The following VCAN variants were observed in gnomAD, a reference collection of about 807,000 sequenced individuals.
The protein encoded by VCAN is versican core protein.
Under a neutral mutation model 245.5 loss-of-function variants are expected in VCAN, and 44 were observed. That is an observed-to-expected ratio of 0.18 (90% CI 0.14 to 0.23). The LOEUF is 0.23. Ranked by LOEUF, VCAN falls within the 10% of genes least tolerant of loss-of-function variation. The pLI, the probability that VCAN is intolerant of heterozygous loss-of-function variation, is 1.00. For synonymous variants in VCAN, 1,413 were observed against 1,437.0 expected, an observed-to-expected ratio of 0.98 and a Z score of 0.38; for missense variants, 3,793 against 4,057.9, an observed-to-expected ratio of 0.93 and a Z score of 1.77.
chr5:83,564,719 T>C (rs1748009276), intron 12 of VCAN, among the ~76,000 whole-genome samples: 1 of 151,766 alleles, frequency 6.6e-6, no homozygotes, highest in South Asian at 2.1e-4. Context: ...TTAGCAATGT[T>C]TGGAGGAAAA....
Position 83,471,801 on chromosome 5 carries a change from G to A in VCAN, c.-229G>A. ...CTTTCTGGGGAAGAACTCCAGGCGT[G>A]CGGACGCAACAGCCGAGAACATTAG... On this transcript the variant is annotated 5_prime_UTR_variant, in exon 1 of 15. Transcript: ENST00000265077. 2.5e-6 allele frequency: 1 copy of A among 398,796 alleles called. No individual in the cohort carries two copies. Among genetic ancestry groups the A allele is most frequent in the Non-Finnish European group, 4.4e-6 (1 of 226,218 alleles). The allele number at this position is 398,796 out of a possible 1,614,324, so 24.7% of individuals were successfully genotyped here.
intron 7 of VCAN, chr5:83,534,045 A>G (rs959355848): frequency 9.9e-5 from 15 of 152,088 alleles, no homozygotes; most frequent in Admixed American, 3.9e-4. Flanking sequence ...TTCAGTGAGC[A>G]TTATGACCAT....
intron 5 of VCAN, among the ~76,000 whole-genome samples, chr5:83,494,678 C>T (rs1745102403): frequency 6.6e-6 from 1 of 152,136 alleles, no homozygotes; most frequent in Non-Finnish European, 1.5e-5. Context: ...GGGAGGTGGG[C>T]ACAGTGGCTC....
intron 2 of VCAN, among the ~76,000 whole-genome samples, chr5:83,485,121 A>G (rs895084808): frequency 8.5e-5 from 13 of 152,172 alleles, no homozygotes; most frequent in South Asian, 4.1e-4. Flanking sequence ...CCTGTATTCT[A>G]TTGAGGAAAC....
In VCAN at chr5:83,539,323, G is replaced by A. The variant is rs1442972594; in HGVS notation, c.6320G>A (p.Arg2107Lys). 3 of 1,614,036 alleles carry A rather than the reference G, an allele frequency of 1.9e-6. No individual in the cohort carries two copies. Among genetic ancestry groups the A allele is most frequent in the South Asian group, 2.2e-5 (2 of 91,088 alleles). The change falls in exon 8 of 15, where the codon AGA (arginine) becomes AAA (lysine). Residue 2107 changes from arginine to lysine, a missense_variant. By Grantham distance (26) the Arg-to-Lys change is conservative (BLOSUM62 2). Transcript: ENST00000265077. Reference sequence around the variant, plus strand: ...TCTAGGCAAGAAGTCAACCCTGTAAGACAAGAAATTGAAAGTGAAACAACA... The same window carrying A: ...TCTAGGCAAGAAGTCAACCCTGTAAAACAAGAAATTGAAAGTGAAACAACA... ...LWSRQEVNPV[R>K]QEIESETTSE...
rs1490526326 is a variant in VCAN at position 83,490,374 on chromosome 5, C to T, written c.347C>T (p.Thr116Ile). ...GAGGCTGTGGGCGATGCCTCCCTCA[C>T]TGTGGTCAAGCTGCTGGCAAGTGAT... ...HPEAVGDASLTVVKLLASDAG... is the reference protein window; with the variant it reads ...HPEAVGDASLIVVKLLASDAG... The change falls in exon 3 of 15, where the codon ACT becomes ATT. Residue 116 changes from threonine (T) to isoleucine (I), a missense_variant. Transcript: ENST00000265077. 2.5e-6 allele frequency: 4 copies of T among 1,614,090 alleles called. No homozygotes were observed. The highest frequency in any genetic ancestry group is 1.3e-5 in the African/African-American group (1 of 74,922).
chr5:83,522,263 C>A lies in VCAN; in HGVS notation c.3957C>A (p.His1319Gln), dbSNP rs143393049. The A allele has an allele frequency of 5.8e-5, 92 of 1,599,668 alleles. No individual in the cohort carries two copies. The African/African-American group carries it at 1.1e-3, about 19-fold the overall frequency. The change falls in exon 7 of 15, where the codon CAC becomes CAA. Residue 1319 changes from histidine to glutamine, a missense_variant. His to Gln is a conservative substitution (Grantham distance 24, BLOSUM62 0). Around this residue, in one of 5 missense-constraint regions of VCAN, gnomAD observed 3,182 missense variants for 3,250.3 expected, o/e 0.98. Transcript: ENST00000265077. ...TPQPPASTKF[H>Q]PDINVYIIEV... ...AGCCCCCAGCAAGCACAAAATTTCACCCTGACATTAATGTTTATATTATTG... is the reference window on the plus strand; with the variant it reads ...AGCCCCCAGCAAGCACAAAATTTCAACCTGACATTAATGTTTATATTATTG...
intron 13 of VCAN, among the ~76,000 whole-genome samples, chr5:83,579,512 C>G (rs1031795594): frequency 9.2e-5 from 14 of 152,116 alleles, no homozygotes; most frequent in African/African-American, 3.1e-4. Flanking sequence ...ATCCACCCCG[C>G]TTGGCCTCCC....
At chr5:83,553,166 T>C (rs1561266300) in intron 10 of VCAN, among the ~76,000 whole-genome samples, 198 bp from the exon 11 acceptor site, 1 of 152,328 alleles carries the variant, frequency 6.6e-6, no homozygotes, top group East Asian at 1.9e-4. Flanking sequence ...TCCAAAGATA[T>C]ATAGCCATCC....
rs966278750 is a variant in VCAN at position 83,581,249 on chromosome 5, CCGAT to C, written c.*817_*820del. 6.8e-6 allele frequency: 1 copy of C among 148,050 alleles called. No homozygotes were observed. The highest frequency in any genetic ancestry group is 2.6e-5 in the African/African-American group (1 of 39,128). The allele number at this position is 148,050 out of a possible 1,614,324, so 9.2% of individuals were successfully genotyped here. A position where few individuals can be genotyped will look rare whatever the true frequency, so the allele number is the denominator to read the frequency against. On this transcript the variant is annotated 3_prime_UTR_variant, in exon 15 of 15. Coordinates refer to ENST00000265077, the MANE Select transcript of VCAN (RefSeq NM_004385.5). Reference sequence around the variant, plus strand: ...TTCATAACACTAACTCATAAGGTTACCGATCAATGCATTTCATACGGATATAGAC... The same window carrying C: ...TTCATAACACTAACTCATAAGGTTACCAATGCATTTCATACGGATATAGAC...
intron 12 of VCAN, among the ~76,000 whole-genome samples, chr5:83,555,325 G>C (rs560843320): frequency 6.6e-6 from 1 of 152,254 alleles, no homozygotes; most frequent in African/African-American, 2.4e-5. Flanking sequence ...CTTTCAGATG[G>C]TTATCTTTGC....
rs533532611 is a variant in VCAN at position 83,494,041 on chromosome 5, G to C, written c.748+110G>C. ...CGTGCTTGTTTGGATTCCAAACGGT[G>C]GCATTTTGTTTATACGACTGTATGA... is the stretch of plus-strand genomic sequence containing the variant. On this transcript the variant is annotated intron_variant, in intron 5 of 14. Coordinates refer to ENST00000265077, the MANE Select transcript of VCAN (RefSeq NM_004385.5). 137 of 1,565,184 alleles carry C rather than the reference G, an allele frequency of 8.8e-5. No individual in the cohort carries two copies. In the African/African-American group the frequency reaches 1.8e-3, roughly 20 times the overall value.
intron 5 of VCAN, among the ~76,000 whole-genome samples, chr5:83,509,063 AAAAGAAAG>A (rs35600716): frequency 4.1e-5 from 6 of 147,896 alleles, no homozygotes; most frequent in African/African-American, 1.0e-4. Flanking sequence ...AGAAAGAAAG[AAAAGAAAG>A]AAAGAAAGAA....
intron 13 of VCAN, among the ~76,000 whole-genome samples, chr5:83,575,912 C>T (rs1482195036): frequency 3.9e-5 from 6 of 152,090 alleles, no homozygotes; most frequent in Admixed American, 1.3e-4. Flanking sequence ...CTCCCCTACT[C>T]GCTGATTTTT....
chr5:83,491,909 T>G (rs999983051), intron 3 of VCAN, among the ~76,000 whole-genome samples: 1 of 152,254 alleles, frequency 6.6e-6, no homozygotes, highest in African/African-American at 2.4e-5. Context: ...TCTATTCAAA[T>G]TCTTGCTTAA....
intron 1 of VCAN, among the ~76,000 whole-genome samples, chr5:83,473,088 C>A (rs1474517009): frequency 6.6e-6 from 1 of 152,126 alleles, no homozygotes; most frequent in Non-Finnish European, 1.5e-5. Context: ...GCAGGTCTAG[C>A]GGCAGCGGCG....
At chr5:83,511,534 A>T (rs1402776910) in intron 5 of VCAN, among the ~76,000 whole-genome samples, 1 of 150,994 alleles carries the variant, frequency 6.6e-6, no homozygotes, top group Non-Finnish European at 1.5e-5. Context: ...ACCACTTCTG[A>T]GCCCTTCCCA....
In VCAN at chr5:83,490,118, C is replaced by T; in HGVS notation, c.91C>T (p.Pro31Ser). 1 of 1,614,056 alleles carries T rather than the reference C, an allele frequency of 6.2e-7. No homozygotes were observed. The highest frequency in any genetic ancestry group is 8.5e-7 in the Non-Finnish European group (1 of 1,180,032). Residue 31 changes from proline to serine, a missense_variant, in exon 3 of 15, where the codon CCG becomes TCG. Transcript: ENST00000265077. ...LHKVKVGKSP[P>S]VRGSLSGKVS... is the part of the protein sequence containing the mutation. The stretch of plus-strand genomic sequence containing the variant: ...TCTAGTCAAAGTGGGAAAAAGCCCA[C>T]CGGTGAGGGGCTCCCTCTCTGGAAA...
Position 83,471,855 on chromosome 5 carries a change from T to C in VCAN, c.-175T>C, listed in dbSNP as rs1406030358. The C allele has an allele frequency of 2.5e-6, 1 of 397,386 alleles. No individual in the cohort carries two copies. Among genetic ancestry groups the C allele is most frequent in the Admixed American group, 4.4e-5 (1 of 22,656 alleles). The allele number at this position is 397,386 out of a possible 1,614,324, so 24.6% of individuals were successfully genotyped here. ...TTGTGGACAGGAGCTGGGACCAAGA[T>C]CTTCGGCCAGCCCCGCATCCTCCCG... is the stretch of plus-strand genomic sequence containing the variant. On this transcript the variant is annotated 5_prime_UTR_variant, in exon 1 of 15. Transcript: ENST00000265077.
Sources: allele counts gnomAD v4.1 joint callset (sites outside exome capture counted in the v4.1 genomes callset), GRCh38; gene constraint gnomAD v4.1.1; regional missense constraint gnomAD v4.1.1; transcripts MANE v1.5; gene names NCBI Gene and HGNC (gene_info 2026-07-23, HGNC 2026-07-21).